SEMA6A: variants seen among roughly 807,000 people sequenced by gnomAD.
SEMA6A encodes the protein semaphorin 6A, also known as semaphorin-6A.
In SEMA6A, 25 loss-of-function variants were observed where a neutral mutation model predicts 96.8. That is an observed-to-expected ratio of 0.26 (90% CI 0.19 to 0.36). The LOEUF (loss-of-function observed/expected upper bound fraction) is 0.36, where lower values mean the gene tolerates loss of function less well. Among genes scored for constraint, SEMA6A ranks in the 10% least tolerant of loss-of-function variants. The probability of loss-of-function intolerance (pLI) is 1.00; values close to 1 mark genes in which losing one functional copy is unlikely to be tolerated. For synonymous variants in SEMA6A, 612 were observed against 518.0 expected (o/e 1.18, Z -2.46); for missense variants, 1,363 against 1,323.1 (o/e 1.03, Z -0.47).
intron 4 of SEMA6A, 129 bp downstream of exon 4, chr5:116,497,198 C>T: frequency 1.7e-6 from 1 of 590,940 alleles, no homozygotes; most frequent in Non-Finnish European, 3.0e-6. Flanking sequence ...ATTAGGATTT[C>T]ACAAAATGCA....
intron 1 of SEMA6A, among the ~76,000 whole-genome samples, chr5:116,570,338 A>G (rs1010498976): frequency 1.4e-5 from 2 of 144,926 alleles, no homozygotes; most frequent in African/African-American, 2.5e-5. Context: ...AGGCACCCCA[A>G]GAGAGTGGGG....
rs200199030 is a variant in SEMA6A, at chr5:116,497,886, G to A, written c.219-499C>T. On this transcript the variant is annotated intron_variant, in intron 3 of 18. Transcript: ENST00000343348. ...TTAACTGTGACTATTTGATCGACAG[G>A]ATGGATGACGACAAAGGTAAAATTA... is the stretch of plus-strand genomic sequence containing the variant. 3.3e-5 allele frequency among the ~76,000 whole-genome samples: 5 copies of A among 152,242 alleles called. No individual in the cohort carries two copies. The East Asian group carries it at 9.7e-4, about 29-fold the overall frequency.
At chr5:116,563,284 T>C (rs922207131) in intron 1 of SEMA6A, among the ~76,000 whole-genome samples, 2 of 152,186 alleles carry the variant, frequency 1.3e-5, no homozygotes, top group East Asian at 1.9e-4. Flanking sequence ...GCAATTTTGA[T>C]AGGTAAATTC....
chr5:116,521,148 G>T (rs944574995), intron 1 of SEMA6A, among the ~76,000 whole-genome samples: 8 of 152,196 alleles, frequency 5.3e-5, no homozygotes, highest in Non-Finnish European at 1.0e-4. Context: ...CTCTAGGGAT[G>T]GAGACATCCA....
At chr5:116,453,613 C>G (rs916162521) in intron 18 of SEMA6A, among the ~76,000 whole-genome samples, 2 of 152,208 alleles carry the variant, frequency 1.3e-5, no homozygotes, top group Non-Finnish European at 2.9e-5. Context: ...AGATCTGCCA[C>G]TCATAGAAGG....
chr5:116,478,087 G>C lies in SEMA6A; in HGVS notation c.1495C>G (p.Leu499Val). 1 of 1,613,962 alleles carries C rather than the reference G, an allele frequency of 6.2e-7. No homozygotes were observed. Among genetic ancestry groups the C allele is most frequent in the Non-Finnish European group, 8.5e-7 (1 of 1,179,878 alleles). ...GMQLDRASSSLYVAFSTCVIK... is the reference protein window; with the variant it reads ...GMQLDRASSSVYVAFSTCVIK... ...ACACAGGTAGAGAACGCAACATACA[G>C]AGAGCTGCTTGCTCTGTCCAGCTGC... is the stretch of plus-strand genomic sequence containing the variant. The change falls in exon 14 of 19, where the codon CTG becomes GTG. Residue 499 changes from leucine to valine, a missense_variant. Leu to Val is a conservative substitution (Grantham distance 32). Transcript: ENST00000343348.
At position 116,490,400 on chromosome 5, in the gene SEMA6A, C is replaced by G. The variant is rs537048000; in HGVS notation, c.535+1340G>C. Among the ~76,000 whole-genome samples, 153 of 152,238 alleles carry G rather than the reference C, an allele frequency of 1.0e-3. 2 individuals are homozygous for G. In the Middle Eastern group the frequency reaches 0.014, roughly 14 times the overall value. On this transcript the variant is annotated intron_variant, in intron 7 of 18. Coordinates refer to ENST00000343348, the MANE Select transcript of SEMA6A (RefSeq NM_020796.5). Reference sequence around the variant, plus strand: ...TACAGGTGAGAGCTACCACTCCTGGCCCTACAGTTAAATTTAAATTCTCCC... The same window carrying G: ...TACAGGTGAGAGCTACCACTCCTGGGCCTACAGTTAAATTTAAATTCTCCC...
In SEMA6A at chr5:116,488,110, T is replaced by C; in HGVS notation, c.742A>G (p.Lys248Glu). The C allele has an allele frequency of 1.9e-6, 3 of 1,599,132 alleles. No individual in the cohort carries two copies. The change falls in exon 9 of 19, where the codon AAG (lysine) becomes GAG (glutamate). Residue 248 changes from lysine (K) to glutamate (E), a missense_variant and splice_region_variant. By Grantham distance (56) the Lys-to-Glu change is moderately conservative. Around this residue, in one of 2 missense-constraint regions of SEMA6A, gnomAD observed 480 missense variants for 559.5 expected, o/e 0.86. Transcript: ENST00000343348. ...CCAAGGACAGCATCCCCTCTTACCT[T>C]TCCCATGGTGTTATACTCCACTGCT... ...EIAVEYNTMGKVVFPRVAQVC... is the reference protein window; with the variant it reads ...EIAVEYNTMGEVVFPRVAQVC...
chr5:116,478,382 G>A (rs1756576723), intron 13 of SEMA6A, 160 bp downstream of exon 13: 2 of 853,064 alleles, frequency 2.3e-6, no homozygotes, highest in East Asian at 5.3e-5. Flanking sequence ...ACATTGGCAA[G>A]GAGAAAATAA....
intron 10 of SEMA6A, among the ~76,000 whole-genome samples, chr5:116,485,136 T>C (rs1179032638): frequency 2.0e-5 from 3 of 152,204 alleles, no homozygotes; most frequent in South Asian, 2.1e-4. Context: ...CAAACAAATA[T>C]GATTTCTGAG....
Position 116,477,868 on chromosome 5 carries a change from T to G in SEMA6A, c.1627A>C (p.Ser543Arg), listed in dbSNP as rs759895451. 7 of 1,613,964 alleles carry G rather than the reference T, an allele frequency of 4.3e-6. No individual in the cohort carries two copies. Among genetic ancestry groups the G allele is most frequent in the Non-Finnish European group, 5.9e-6 (7 of 1,179,870 alleles). ...CGWIKEGGAC[S>R]HLSPNSRLTF... ...TACCTGCTGTTGGGTGATAAATGGC[T>G]GCAGGCACCACCTTCCTTTATCCAT... Residue 543 changes from serine (S) to arginine (R), a missense_variant, in exon 15 of 19, where the codon AGC (serine) becomes CGC (arginine). Coordinates refer to ENST00000343348, the MANE Select transcript of SEMA6A (RefSeq NM_020796.5).
intron 3 of SEMA6A, among the ~76,000 whole-genome samples, chr5:116,501,395 A>ATT (rs201843318): frequency 6.6e-6 from 1 of 150,602 alleles, no homozygotes; most frequent in African/African-American, 2.4e-5. Context: ...ATGGATGAGT[A>ATT]TTTTTTTTTT....
chr5:116,544,546 G>A (rs976131761), intron 1 of SEMA6A, among the ~76,000 whole-genome samples: 42 of 151,822 alleles, frequency 2.8e-4, no homozygotes, highest in African/African-American at 8.7e-4. Context: ...TGATCCTCCC[G>A]TCTCAGCTTA....
chr5:116,496,056 G>A, intron 5 of SEMA6A, 195 bp downstream of exon 5: 1 of 525,968 alleles, frequency 1.9e-6, no homozygotes, highest in Non-Finnish European at 3.4e-6. Flanking sequence ...AGGCCTAGCA[G>A]CTGTTGTAAT....
At chr5:116,510,175 A>G (rs1178617112) in intron 1 of SEMA6A, among the ~76,000 whole-genome samples, 3 of 152,308 alleles carry the variant, frequency 2.0e-5, no homozygotes, top group African/African-American at 7.2e-5. Flanking sequence ...TTCAGGACCC[A>G]GTTCAAGTAG....
Position 116,446,052 on chromosome 5 carries a change from G to A in SEMA6A, c.*561C>T, listed in dbSNP as rs1325361631. On this transcript the variant is annotated 3_prime_UTR_variant, in exon 19 of 19. Coordinates refer to ENST00000343348, the MANE Select transcript of SEMA6A (RefSeq NM_020796.5). The stretch of plus-strand genomic sequence containing the variant: ...CTGGCGGGCATTTCACAGTATTTGC[G>A]CATAGTAAACTTCTGCCATTGTTAA... 1 of 152,596 alleles carries A rather than the reference G, an allele frequency of 6.6e-6. No individual in the cohort carries two copies. The highest frequency in any genetic ancestry group is 2.4e-5 in the African/African-American group (1 of 41,414). The allele number at this position is 152,596 out of a possible 1,614,324, so 9.5% of individuals were successfully genotyped here.
intron 11 of SEMA6A, 61 bp downstream of exon 11, chr5:116,482,383 C>G (rs1423038746): frequency 1.3e-6 from 2 of 1,549,694 alleles, no homozygotes; most frequent in Non-Finnish European, 1.8e-6. Context: ...TGTTCATTAT[C>G]AGAGGTGCAA....
chr5:116,561,039 A>G (rs756639428), intron 1 of SEMA6A, among the ~76,000 whole-genome samples: 4 of 152,094 alleles, frequency 2.6e-5, no homozygotes, highest in Non-Finnish European at 5.9e-5. Context: ...GGAGCACAAA[A>G]CTCAGATTCA....
intron 1 of SEMA6A, among the ~76,000 whole-genome samples, chr5:116,568,289 G>C (rs1016118261): frequency 6.6e-6 from 1 of 152,088 alleles, no homozygotes; most frequent in Non-Finnish European, 1.5e-5. Context: ...GGAAGAATAG[G>C]TTTACTATTT....
Sources: allele counts gnomAD v4.1 joint callset (sites outside exome capture counted in the v4.1 genomes callset), GRCh38; gene constraint gnomAD v4.1.1; regional missense constraint gnomAD v4.1.1; transcripts MANE v1.5; gene names NCBI Gene and HGNC (gene_info 2026-07-23, HGNC 2026-07-21).